The following SATB1 variants were observed in gnomAD, a reference collection of about 807,000 sequenced individuals.
The protein encoded by SATB1 is DNA-binding protein SATB1.
In SATB1, 11 loss-of-function variants were observed where a neutral mutation model predicts 86.9. That is an observed-to-expected ratio of 0.13 (90% CI 0.08 to 0.21). SATB1 has a LOEUF of 0.21. SATB1 is among the 10% of genes least tolerant of loss of function. The probability of loss-of-function intolerance (pLI) is 1.00; values close to 1 mark genes in which losing one functional copy is unlikely to be tolerated. For missense variants in SATB1, 551 were observed against 937.6 expected (o/e 0.59, Z 5.39); for synonymous variants, 357 against 357.2 (o/e 1.00, Z 0.01).
Position 18,368,986 on chromosome 3 carries a change from G to A in SATB1, c.1575+9184C>T, listed in dbSNP as rs146808564. ...CAGTTACCTACTGTGCCTGCATTTC[G>A]CCAGGTTATCTCCAATTTCTATAAA... On this transcript the variant is annotated intron_variant, in intron 9 of 10. Coordinates refer to ENST00000338745, the MANE Select transcript of SATB1 (RefSeq NM_002971.6). Among the ~76,000 whole-genome samples, 77 of 151,912 alleles carry A rather than the reference G, an allele frequency of 5.1e-4. 2 individuals carry two copies. The East Asian group carries it at 0.01, about 20-fold the overall frequency.
Position 18,397,306 on chromosome 3 carries a change from G to A in SATB1, c.640-16C>T. The A allele has an allele frequency of 7.2e-7, 1 of 1,389,344 alleles. No individual in the cohort carries two copies. Among genetic ancestry groups the A allele is most frequent in the Non-Finnish European group, 1.0e-6 (1 of 975,770 alleles). 86.1% of individuals were successfully genotyped at this position (1,389,344 alleles called of 1,614,324 possible). A position where few individuals can be genotyped will look rare whatever the true frequency, so the allele number is the denominator to read the frequency against. On this transcript the variant is annotated splice_polypyrimidine_tract_variant and intron_variant, in intron 5 of 10. Transcript: ENST00000338745. ...AAATCATACTCTGCATGAAGAAGGG[G>A]GGAGAATATTTGTAATACACAGCAG...
chr3:18,438,086 T>G (rs768621921), intron 1 of SATB1, among the ~76,000 whole-genome samples: 3 of 152,224 alleles, frequency 2.0e-5, no homozygotes, highest in Non-Finnish European at 4.4e-5. Flanking sequence ...CACTAGGTTC[T>G]ATTTATAATA....
chr3:18,389,669 T>C (rs1356962809), intron 7 of SATB1, among the ~76,000 whole-genome samples: 1 of 152,254 alleles, frequency 6.6e-6, no homozygotes, highest in Non-Finnish European at 1.5e-5. Flanking sequence ...TGTACCTTAT[T>C]TATGTCATAG....
In SATB1 at chr3:18,386,579, C is replaced by G; in HGVS notation, c.1239G>C (p.Glu413Asp). The change falls in exon 8 of 11, where the codon GAG (glutamate) becomes GAC (aspartate). Residue 413 changes from glutamate (E) to aspartate (D), a missense_variant. Glu to Asp is a conservative substitution (Grantham distance 45). Around this residue, in one of 8 missense-constraint regions of SATB1, gnomAD observed 110 missense variants for 212.2 expected, o/e 0.52. Transcript: ENST00000338745. This position sits in a 1 kb window ranked among gnomAD's most constrained non-coding sequence, Gnocchi z 4.5. ...AAGACTGGGATGCAGTCTTGGGGTC[C>G]TCTTCCTTTCGGAGGATTTCTGAAA... ...GLLSEILRKE[E>D]DPKTASQSLL... 2 of 1,614,090 alleles carry G rather than the reference C, an allele frequency of 1.2e-6. No individual in the cohort carries two copies. The highest frequency in any genetic ancestry group is 1.1e-5 in the South Asian group (1 of 91,050).
chr3:18,412,094 C>T (rs1483021738), intron 5 of SATB1, among the ~76,000 whole-genome samples: 1 of 151,978 alleles, frequency 6.6e-6, no homozygotes, highest in Non-Finnish European at 1.5e-5. Flanking sequence ...GCCTCAGCCT[C>T]CCAAGTAGCT....
chr3:18,406,979 C>T (rs1176751304), intron 5 of SATB1, among the ~76,000 whole-genome samples: 1 of 152,014 alleles, frequency 6.6e-6, no homozygotes, highest in East Asian at 1.9e-4. Flanking sequence ...GTGATGAATA[C>T]AACTTAGTTC....
At chr3:18,401,853 G>A (rs1404525491) in intron 5 of SATB1, among the ~76,000 whole-genome samples, 2 of 152,086 alleles carry the variant, frequency 1.3e-5, no homozygotes, top group African/African-American at 4.8e-5. Flanking sequence ...CTGAAGTTCC[G>A]ATCTGAAAGA....
At chr3:18,401,095 TAACTTCCCA>T (rs1559437331) in intron 5 of SATB1, among the ~76,000 whole-genome samples, 1 of 151,866 alleles carries the variant, frequency 6.6e-6, no homozygotes, top group Admixed American at 6.6e-5. Flanking sequence ...AGGCCTTTCC[TAACTTCCCA>T]AACCTCCTGC....
chr3:18,374,367 C>T (rs1695632617), intron 9 of SATB1, among the ~76,000 whole-genome samples: 1 of 152,056 alleles, frequency 6.6e-6, no homozygotes. Context: ...TTTTTTTAAA[C>T]AGTAAAATTA....
Position 18,349,559 on chromosome 3 carries a change from C to T in SATB1, c.1903G>A (p.Ala635Thr). The T allele has an allele frequency of 1.2e-6, 2 of 1,613,996 alleles. No homozygotes were observed. The highest frequency in any genetic ancestry group is 8.5e-7 in the Non-Finnish European group (1 of 1,180,020). The change falls in exon 11 of 11, where the codon GCA becomes ACA. Residue 635 changes from alanine (A) to threonine (T), a missense_variant. Physicochemically the swap from Ala to Thr is moderately conservative, Grantham distance 58. This residue lies in a region of SATB1 where 87 missense variants were observed against 103.6 expected (regional missense o/e 0.84). Transcript: ENST00000338745. This position sits in a 1 kb window ranked among gnomAD's most constrained non-coding sequence, Gnocchi z 5.5. ...PPRQPTVASP[A>T]ESDEENRQKT... ...TGTCGGTTTTCCTCATCTGACTCTGCTGGAGAGGCCACCGTGGGTTGCCGT... is the reference window on the plus strand; with the variant it reads ...TGTCGGTTTTCCTCATCTGACTCTGTTGGAGAGGCCACCGTGGGTTGCCGT...
upstream of SATB1, among the ~76,000 whole-genome samples, chr3:18,425,778 CGCGGCGCGCGG>C (rs978182564): frequency 3.5e-5 from 5 of 142,898 alleles, no homozygotes; most frequent in Non-Finnish European, 6.1e-5. Context: ...GAGGGGAGCG[CGCGGCGCGCGG>C]GCGGCAGGGG....
At chr3:18,429,817 T>C (rs1383959275), upstream of SATB1, among the ~76,000 whole-genome samples, 1 of 152,188 alleles carries the variant, frequency 6.6e-6, no homozygotes, top group African/African-American at 2.4e-5. The surrounding 1 kb of genome is among the most constrained non-coding windows in gnomAD (Gnocchi z 4.1). Flanking sequence ...AATACATGTC[T>C]CCCTTACTAG....
In SATB1 at chr3:18,386,570, C is replaced by T. The variant is rs771710259; in HGVS notation, c.1248G>A (p.Lys416=). The T allele has an allele frequency of 6.2e-7, 1 of 1,614,094 alleles. No homozygotes were observed. Among genetic ancestry groups the T allele is most frequent in the East Asian group, 2.2e-5 (1 of 44,860 alleles). The change falls in exon 8 of 11, where the codon AAG becomes AAA. Residue 416 remains lysine (K), a synonymous_variant. Transcript: ENST00000338745. The surrounding 1 kb of genome is among the most constrained non-coding windows in gnomAD (Gnocchi z 4.5). ...TTACCAGCAAAGACTGGGATGCAGT[C>T]TTGGGGTCCTCTTCCTTTCGGAGGA... The part of the protein sequence containing the change: ...SEILRKEEDP[K]TASQSLLVNL...
At chr3:18,392,672 A>T (rs1457467404) in intron 7 of SATB1, among the ~76,000 whole-genome samples, 2 of 151,986 alleles carry the variant, frequency 1.3e-5, no homozygotes, top group African/African-American at 4.8e-5. Context: ...TCAAAAAAGC[A>T]TTATTGAAAT....
intron 6 of SATB1, among the ~76,000 whole-genome samples, chr3:18,396,762 A>G (rs1284084541): frequency 6.6e-6 from 1 of 152,192 alleles, no homozygotes; most frequent in East Asian, 1.9e-4. Context: ...AAATAGTTTA[A>G]TTTAAGAAGT....
At chr3:18,391,124 A>C (rs1696640911) in intron 7 of SATB1, among the ~76,000 whole-genome samples, 1 of 152,178 alleles carries the variant, frequency 6.6e-6, no homozygotes, top group African/African-American at 2.4e-5. Context: ...GGCTTAAAAA[A>C]AAACCCATGT....
At chr3:18,376,749 T>C (rs558607984) in intron 9 of SATB1, among the ~76,000 whole-genome samples, 5 of 152,266 alleles carry the variant, frequency 3.3e-5, no homozygotes, top group East Asian at 1.9e-4. Flanking sequence ...ATTTCCGATA[T>C]ACAAGCCATG....
At chr3:18,433,483 TATC>T (rs1698957581) in intron 2 of SATB1, among the ~76,000 whole-genome samples, 1 of 152,162 alleles carries the variant, frequency 6.6e-6, no homozygotes, top group African/African-American at 2.4e-5. Flanking sequence ...TAATTTGAAA[TATC>T]ATCTTTTCCT....
At chr3:18,353,867 A>G (rs1486219103) in intron 9 of SATB1, among the ~76,000 whole-genome samples, 1 of 152,258 alleles carries the variant, frequency 6.6e-6, no homozygotes, top group African/African-American at 2.4e-5. Flanking sequence ...TTAATTAAGC[A>G]AATATATGCA....
Sources: allele counts gnomAD v4.1 joint callset (sites outside exome capture counted in the v4.1 genomes callset), GRCh38; gene constraint gnomAD v4.1.1; regional missense constraint gnomAD v4.1.1; non-coding constraint Gnocchi (gnomAD v3.1); transcripts MANE v1.5; gene names NCBI Gene and HGNC (gene_info 2026-07-23, HGNC 2026-07-21).